The following ZNF438 variants were observed in gnomAD, a reference collection of about 807,000 sequenced individuals.
The protein encoded by ZNF438 is zinc finger protein 438.
Under a neutral mutation model 38.0 loss-of-function variants are expected in ZNF438, and 25 were observed. That is an observed-to-expected ratio of 0.66 (90% CI 0.48 to 0.92). The LOEUF (loss-of-function observed/expected upper bound fraction) is 0.92. Among genes scored for constraint, ZNF438 ranks in the 40% least tolerant of loss-of-function variants. The probability of loss-of-function intolerance (pLI) is 0.00; values close to 1 mark genes in which losing one functional copy is unlikely to be tolerated. For missense variants in ZNF438, 1,007 were observed against 999.6 expected, an observed-to-expected ratio of 1.01 and a Z score of -0.10; for synonymous variants, 372 against 364.1, an observed-to-expected ratio of 1.02 and a Z score of -0.25.
intron 4 of ZNF438, among the ~76,000 whole-genome samples, chr10:30,866,148 C>T (rs1362426971): frequency 6.6e-6 from 1 of 152,164 alleles, no homozygotes; most frequent in African/African-American, 2.4e-5. Context: ...TCCTTGAGTA[C>T]ATGCCTTTTT....
intron 1 of ZNF438, among the ~76,000 whole-genome samples, chr10:30,983,872 T>A (rs541702177): frequency 6.6e-6 from 1 of 152,306 alleles, no homozygotes; most frequent in South Asian, 2.1e-4. Flanking sequence ...AGACTTCCTA[T>A]ACACCCTTCA....
chr10:30,972,893 T>C (rs572897369), intron 1 of ZNF438, among the ~76,000 whole-genome samples: 1 of 152,310 alleles, frequency 6.6e-6, no homozygotes, highest in African/African-American at 2.4e-5. Flanking sequence ...AAAAGGTGTC[T>C]CCCTTTAATT....
At chr10:30,934,874 G>C (rs1231401143) in intron 2 of ZNF438, among the ~76,000 whole-genome samples, 1 of 152,170 alleles carries the variant, frequency 6.6e-6, no homozygotes, top group Non-Finnish European at 1.5e-5. Context: ...ACTACACTGA[G>C]GTATTAAATG....
chr10:31,005,435 G>A (rs1021847268), intron 1 of ZNF438, among the ~76,000 whole-genome samples: 1 of 151,994 alleles, frequency 6.6e-6, no homozygotes, highest in Admixed American at 6.6e-5. Context: ...CTTATATGTG[G>A]AATCTTAAAA....
chr10:30,994,947 G>A (rs1204210310), intron 1 of ZNF438, among the ~76,000 whole-genome samples: 2 of 151,788 alleles, frequency 1.3e-5, no homozygotes, highest in African/African-American at 4.8e-5. Flanking sequence ...TGGGAGGACT[G>A]CTTAAGCCTG....
intron 3 of ZNF438, among the ~76,000 whole-genome samples, chr10:30,902,361 T>C (rs2042110671): frequency 1.0e-5 from 1 of 97,384 alleles, no homozygotes; most frequent in Non-Finnish European, 2.1e-5. Flanking sequence ...GATTGGTGTA[T>C]TTACAAAACT....
chr10:30,860,411 G>A lies in ZNF438; in HGVS notation c.38-10044C>T, dbSNP rs148900073. Among the ~76,000 whole-genome samples the A allele has an allele frequency of 3.5e-3, 532 of 152,318 alleles. 5 individuals carry two copies. Among genetic ancestry groups the A allele is most frequent in the African/African-American group, 0.011 (473 of 41,572 alleles). ...TGCATTCTGAAAGCTCTCGTGTCAT[G>A]TAACACAGCTGATTCAATGTATATA... On this transcript the variant is annotated intron_variant, in intron 4 of 5. Transcript: ENST00000413025.
intron 5 of ZNF438, among the ~76,000 whole-genome samples, chr10:30,847,652 G>A (rs1401682661): frequency 6.6e-6 from 1 of 152,156 alleles, no homozygotes; most frequent in Non-Finnish European, 1.5e-5. Flanking sequence ...TCTGTCCTGG[G>A]AGCCCCCTGA....
chr10:31,020,436 T>G (rs1230125350), intron 1 of ZNF438, among the ~76,000 whole-genome samples: 2 of 152,170 alleles, frequency 1.3e-5, no homozygotes, highest in African/African-American at 2.4e-5. Context: ...AAAATAACAT[T>G]GCTTGGTGAT....
chr10:30,875,959 T>TGCTA (rs1444838171), intron 4 of ZNF438, among the ~76,000 whole-genome samples: 1 of 152,248 alleles, frequency 6.6e-6, no homozygotes, highest in Non-Finnish European at 1.5e-5. Context: ...AACAACAATA[T>TGCTA]GCTAGGTGAT....
At chr10:30,925,939 G>T (rs780639594) in intron 2 of ZNF438, among the ~76,000 whole-genome samples, 2 of 152,118 alleles carry the variant, frequency 1.3e-5, no homozygotes, top group African/African-American at 4.8e-5. Flanking sequence ...TATTTTTGAG[G>T]GGGATGCTGA....
At chr10:30,974,571 G>A (rs2051125511) in intron 1 of ZNF438, among the ~76,000 whole-genome samples, 2 of 152,298 alleles carry the variant, frequency 1.3e-5, no homozygotes, top group South Asian at 4.1e-4. Context: ...ACAATCGACT[G>A]CAACATGCGT....
intron 1 of ZNF438, among the ~76,000 whole-genome samples, chr10:30,972,571 C>T (rs11008318): frequency 0.4 from 60,958 of 152,002 alleles, 12,471 homozygotes; most frequent in Admixed American, 0.44. Context: ...AATAGTGGGC[C>T]TTTTGTGGCT....
chr10:30,887,110 A>C (rs1001543361), intron 3 of ZNF438, among the ~76,000 whole-genome samples: 1 of 152,166 alleles, frequency 6.6e-6, no homozygotes, highest in African/African-American at 2.4e-5. Flanking sequence ...CCTTTATCTA[A>C]CTAACACACC....
chr10:30,893,378 A>C (rs943737898), intron 3 of ZNF438, among the ~76,000 whole-genome samples: 4 of 152,218 alleles, frequency 2.6e-5, no homozygotes, highest in African/African-American at 9.6e-5. Flanking sequence ...CCGTTGCAAG[A>C]GACAGTGCTG....
chr10:30,898,133 A>G (rs2041574582), intron 3 of ZNF438, among the ~76,000 whole-genome samples: 1 of 152,188 alleles, frequency 6.6e-6, no homozygotes, highest in South Asian at 2.1e-4. Flanking sequence ...TGATTTCAAG[A>G]GGTAAGAAAT....
At chr10:30,926,398 T>A (rs1338748772) in intron 2 of ZNF438, among the ~76,000 whole-genome samples, 1 of 152,158 alleles carries the variant, frequency 6.6e-6, no homozygotes, top group East Asian at 1.9e-4. Context: ...CTAGGCGCAG[T>A]CGCTCACATC....
At chr10:30,904,764 T>G (rs2134376955) in intron 3 of ZNF438, among the ~76,000 whole-genome samples, 1 of 152,334 alleles carries the variant, frequency 6.6e-6, no homozygotes, top group Non-Finnish European at 1.5e-5. Context: ...TTACACCTGT[T>G]GGCCCCCCAT....
intron 4 of ZNF438, among the ~76,000 whole-genome samples, chr10:30,855,810 C>T (rs1331847445): frequency 6.6e-6 from 1 of 152,180 alleles, no homozygotes; most frequent in Non-Finnish European, 1.5e-5. Context: ...TGAGAAGATA[C>T]ACACACAAAT....
Sources: allele counts gnomAD v4.1 joint callset (sites outside exome capture counted in the v4.1 genomes callset), GRCh38; gene constraint gnomAD v4.1.1; transcripts MANE v1.5; gene names NCBI Gene and HGNC (gene_info 2026-07-23, HGNC 2026-07-21).